Variants in KDM4C observed in about 807,000 individuals in gnomAD.
The protein encoded by KDM4C is lysine demethylase 4C.
A neutral mutation model predicts 129.3 loss-of-function variants in KDM4C; 81 were observed. That is an observed-to-expected ratio of 0.63 (90% CI 0.52 to 0.75). The LOEUF (loss-of-function observed/expected upper bound fraction) is 0.75, where lower values mean the gene tolerates loss of function less well. Ranked by LOEUF, KDM4C falls within the 30% of genes least tolerant of loss-of-function variation. The pLI is 0.00. For missense variants in KDM4C, 1,457 were observed against 1,304.0 expected, an observed-to-expected ratio of 1.12 and a Z score of -1.81; for synonymous variants, 573 against 456.1, an observed-to-expected ratio of 1.26 and a Z score of -3.26.
chr9:6,773,497 C>A (rs775132841), intron 1 of KDM4C, among the ~76,000 whole-genome samples: 6 of 152,108 alleles, frequency 3.9e-5, no homozygotes, highest in Admixed American at 6.5e-5. Flanking sequence ...ATAGGCCAGG[C>A]GTGGTGGCTC....
intron 6 of KDM4C, among the ~76,000 whole-genome samples, chr9:6,884,663 C>T (rs1844984091): frequency 6.6e-6 from 1 of 152,094 alleles, no homozygotes; most frequent in South Asian, 2.1e-4. Flanking sequence ...TGTTTCTTGT[C>T]TTTCTCTCCC....
chr9:7,122,265 A>ACACACACACACTCTCTCTCT (rs375655422), intron 18 of KDM4C, among the ~76,000 whole-genome samples: 34 of 144,822 alleles, frequency 2.3e-4, no homozygotes, highest in African/African-American at 8.6e-4. Context: ...ACACACACAC[A>ACACACACACACTCTCTCTCT]CTCTCTCTCT....
At chr9:7,037,641 A>C (rs915000017) in intron 15 of KDM4C, among the ~76,000 whole-genome samples, 1 of 152,192 alleles carries the variant, frequency 6.6e-6, no homozygotes, top group African/African-American at 2.4e-5. Context: ...CAGTGGTATT[A>C]GGTGAGCGAA....
chr9:6,882,595 T>G (rs1218289810), intron 6 of KDM4C, among the ~76,000 whole-genome samples: 2 of 152,284 alleles, frequency 1.3e-5, no homozygotes, highest in East Asian at 3.9e-4. Flanking sequence ...TGTGAACAAT[T>G]AGGAGGAAAC....
At chr9:7,150,769 G>A (rs921531985) in intron 19 of KDM4C, among the ~76,000 whole-genome samples, 1 of 152,132 alleles carries the variant, frequency 6.6e-6, no homozygotes, top group Non-Finnish European at 1.5e-5. Flanking sequence ...TCACTTCAAA[G>A]GAACCAGAAA....
chr9:6,982,269 G>A (rs751724148), intron 9 of KDM4C: 1 of 151,810 alleles, frequency 6.6e-6, no homozygotes, highest in Non-Finnish European at 1.5e-5. Flanking sequence ...GTAGTGAGTG[G>A]AAGAACCTTA....
At chr9:7,011,669 C>G (rs778405505) in intron 12 of KDM4C, 29 bp from the exon 13 acceptor site, 7 of 1,596,236 alleles carry the variant, frequency 4.4e-6, no homozygotes, top group Middle Eastern at 1.7e-4. Context: ...TTCCCATGCT[C>G]ATGGTATTTT....
At chr9:6,907,346 C>T (rs890072308) in intron 8 of KDM4C, among the ~76,000 whole-genome samples, 1 of 152,106 alleles carries the variant, frequency 6.6e-6, no homozygotes, top group African/African-American at 2.4e-5. Flanking sequence ...ATCTTTTATG[C>T]GGTCTACTTC....
At position 7,013,923 on chromosome 9, in the gene KDM4C, C is replaced by T. The variant is rs780632726; in HGVS notation, c.2104C>T (p.Pro702Ser). The stretch of plus-strand genomic sequence containing the variant: ...TAGTGAAGAAAATATAGAATATTCT[C>T]CACCCAATGCCTTCCTTGAAGAGGA... ...IYSEENIEYS[P>S]PNAFLEEDGT... Residue 702 changes from proline (P) to serine (S), a missense_variant, in exon 14 of 22, where the codon CCA (proline) becomes TCA (serine). By Grantham distance (74) the Pro-to-Ser change is moderately conservative (BLOSUM62 -1). Coordinates refer to ENST00000381309, the MANE Select transcript of KDM4C (RefSeq NM_015061.6). The T allele has an allele frequency of 3.3e-5, 53 of 1,613,816 alleles. No homozygotes were observed. The highest frequency in any genetic ancestry group is 4.3e-5 in the Non-Finnish European group (51 of 1,179,852).
At chr9:6,767,757 C>T (rs1408073434) in intron 1 of KDM4C, among the ~76,000 whole-genome samples, 1 of 152,180 alleles carries the variant, frequency 6.6e-6, no homozygotes, top group East Asian at 1.9e-4. Flanking sequence ...CTGTGCTTGG[C>T]CATCTGGCCA....
At chr9:7,103,895 G>C (rs1034407893) in intron 18 of KDM4C, 25 bp downstream of exon 18, 1 of 1,601,830 alleles carries the variant, frequency 6.2e-7, no homozygotes, top group Non-Finnish European at 8.5e-7. Context: ...CCCTTCCTCA[G>C]TGCTAAGACC....
intron 17 of KDM4C, among the ~76,000 whole-genome samples, chr9:7,086,329 T>C (rs1464838885): frequency 1.3e-5 from 2 of 152,212 alleles, no homozygotes; most frequent in Admixed American, 6.5e-5. Context: ...CCCTCTCATA[T>C]ACAGTGATTG....
chr9:6,810,798 G>T (rs1001984126), intron 3 of KDM4C, among the ~76,000 whole-genome samples: 1 of 152,138 alleles, frequency 6.6e-6, no homozygotes, highest in African/African-American at 2.4e-5. Context: ...TTGAGCCTGG[G>T]AGGCTGAGGC....
intron 4 of KDM4C, among the ~76,000 whole-genome samples, chr9:6,821,709 G>A (rs540689085): frequency 2.6e-5 from 4 of 151,526 alleles, no homozygotes; most frequent in Non-Finnish European, 5.9e-5. Flanking sequence ...GCAGTGGCGC[G>A]GTCTCAACCT....
At chr9:7,025,721 C>G (rs1250253968) in intron 15 of KDM4C, among the ~76,000 whole-genome samples, 2 of 152,134 alleles carry the variant, frequency 1.3e-5, no homozygotes, top group Non-Finnish European at 2.9e-5. Flanking sequence ...ATTTCTATGT[C>G]TTGAAAAGTT....
intron 15 of KDM4C, among the ~76,000 whole-genome samples, chr9:7,027,446 CTGTT>C (rs1343036320): frequency 3.3e-5 from 5 of 152,194 alleles, no homozygotes; most frequent in African/African-American, 7.2e-5. Context: ...GGGAGTCTCT[CTGTT>C]TGTTCTGAGC....
At chr9:7,170,894 C>T (rs1235996650) in intron 21 of KDM4C, 1 of 193,680 alleles carries the variant, frequency 5.2e-6, no homozygotes, top group East Asian at 2.2e-4. Context: ...ACATAAACTA[C>T]ACTAACAATA....
At chr9:6,860,452 C>T (rs1315776442) in intron 5 of KDM4C, among the ~76,000 whole-genome samples, 1 of 152,126 alleles carries the variant, frequency 6.6e-6, no homozygotes, top group Non-Finnish European at 1.5e-5. Flanking sequence ...CTAGTCAGTC[C>T]TTGTCAGGAG....
rs1368223162 is a variant in KDM4C, at chr9:6,780,707, G to A, written c.-17-12265G>A. On this transcript the variant is annotated intron_variant, in intron 1 of 21. Transcript: ENST00000381309. ...TGCTTGAACCAGGGAGGTAGAGGTT[G>A]CAGTGAGCCGAGATTCCGCCATTGT... Among the ~76,000 whole-genome samples the A allele has an allele frequency of 9.0e-5, 12 of 133,526 alleles. No individual in the cohort carries two copies. The Admixed American group carries it at 1.0e-3, about 11-fold the overall frequency. The allele number at this position is 133,526 out of a possible 152,430, so 87.6% of individuals were successfully genotyped here.
Sources: gnomAD v4.1 joint callset for allele counts (sites outside exome capture counted in the v4.1 genomes callset) on GRCh38, gnomAD v4.1.1 for gene constraint, MANE v1.5 for transcripts, NCBI Gene and HGNC (gene_info 2026-07-23, HGNC 2026-07-21) for gene names.